CSMD1: variants seen among roughly 807,000 people sequenced by gnomAD.
CSMD1 encodes CUB and Sushi multiple domains 1.
Under a neutral mutation model 417.5 loss-of-function variants are expected in CSMD1, and 213 were observed. That is an observed-to-expected ratio of 0.51 (90% CI 0.46 to 0.57). The LOEUF is 0.57. CSMD1 is among the 20% of genes least tolerant of loss of function. CSMD1 has a pLI of 0.00. For synonymous variants in CSMD1, 2,862 were observed against 1,736.8 expected (o/e 1.65, Z -16.11); for missense variants, 6,923 against 4,529.7 (o/e 1.53, Z -15.17).
At chr8:4,636,972 G>A (rs762834977) in intron 2 of CSMD1, among the ~76,000 whole-genome samples, 19 of 152,100 alleles carry the variant, frequency 1.2e-4, no homozygotes, top group East Asian at 3.9e-4. Flanking sequence ...CAGCAGGATC[G>A]TAAAAGTAGC....
At position 4,210,209 on chromosome 8, in the gene CSMD1, A is replaced by G. The variant is rs144294336; in HGVS notation, c.416-178110T>C. On this transcript the variant is annotated intron_variant, in intron 3 of 69. Transcript: ENST00000635120. ...TGGGAGCTCCTTCACTCCCTCCCCA[A>G]GCCAGCATGCTGGGCATGACTTTCT... Among the ~76,000 whole-genome samples, 288 of 152,254 alleles carry G rather than the reference A, an allele frequency of 1.9e-3. 3 individuals carry two copies. The highest frequency in any genetic ancestry group is 6.8e-3 in the African/African-American group (281 of 41,548).
chr8:3,473,348 T>C (rs972415298), intron 11 of CSMD1, among the ~76,000 whole-genome samples: 1 of 152,216 alleles, frequency 6.6e-6, no homozygotes, highest in Admixed American at 6.5e-5. Context: ...GTTATATTTA[T>C]GAGAAGAACT....
chr8:4,679,182 C>A (rs776343376), intron 1 of CSMD1, among the ~76,000 whole-genome samples: 1 of 152,180 alleles, frequency 6.6e-6, no homozygotes, highest in Non-Finnish European at 1.5e-5. Flanking sequence ...TCTATTGAAT[C>A]TGGCTCTGGG....
At chr8:3,410,227 G>T (rs1270347613) in intron 12 of CSMD1, among the ~76,000 whole-genome samples, 1 of 152,134 alleles carries the variant, frequency 6.6e-6, no homozygotes, top group Admixed American at 6.5e-5. Context: ...TAACTACACA[G>T]AATGTTTTCA....
chr8:4,962,463 G>C (rs1585416136), intron 1 of CSMD1, among the ~76,000 whole-genome samples: 1 of 152,050 alleles, frequency 6.6e-6, no homozygotes, highest in Admixed American at 6.6e-5. Context: ...TTCCCACCTA[G>C]GCCATCTAAA....
At chr8:3,461,073 C>T (rs1227604214) in intron 12 of CSMD1, among the ~76,000 whole-genome samples, 2 of 152,212 alleles carry the variant, frequency 1.3e-5, no homozygotes, top group African/African-American at 4.8e-5. Context: ...ACGACTCTTT[C>T]CCTTGCATGG....
intron 9 of CSMD1, 74 bp downstream of exon 9, chr8:3,586,061 TA>T: frequency 6.8e-7 from 1 of 1,465,170 alleles, no homozygotes; most frequent in Non-Finnish European, 9.3e-7. Context: ...GCTTCATGCT[TA>T]AATTGTATAT....
chr8:2,959,297 G>A (rs1803268951), intron 62 of CSMD1, among the ~76,000 whole-genome samples: 1 of 151,656 alleles, frequency 6.6e-6, no homozygotes, highest in South Asian at 2.1e-4. Flanking sequence ...TAGAAATAGG[G>A]TCTTGCTATG....
intron 3 of CSMD1, among the ~76,000 whole-genome samples, chr8:4,232,522 C>A (rs1320058363): frequency 2.0e-5 from 3 of 152,160 alleles, no homozygotes; most frequent in Non-Finnish European, 4.4e-5. Context: ...AAATTACACA[C>A]TACCTATGAA....
intron 1 of CSMD1, among the ~76,000 whole-genome samples, chr8:4,992,589 C>T (rs573203225): frequency 3.3e-5 from 5 of 152,188 alleles, no homozygotes; most frequent in Middle Eastern, 3.2e-3. Flanking sequence ...GCCCTCACCC[C>T]GCTGCGACAC....
In CSMD1 at chr8:4,210,328, G is replaced by A. The variant is rs538071254; in HGVS notation, c.416-178229C>T. Among the ~76,000 whole-genome samples the A allele has an allele frequency of 2.0e-5, 3 of 152,316 alleles. No homozygotes were observed. In the South Asian group the frequency reaches 6.2e-4, roughly 32 times the overall value. On this transcript the variant is annotated intron_variant, in intron 3 of 69. Coordinates refer to ENST00000635120, the MANE Select transcript of CSMD1 (RefSeq NM_033225.6). The stretch of plus-strand genomic sequence containing the variant: ...GATTCCATGTCAAGTGTGGGATTGT[G>A]CTGTGTCAAGTAAGTTGTATGATAC...
intron 3 of CSMD1, among the ~76,000 whole-genome samples, chr8:4,317,342 G>C (rs1233615394): frequency 6.6e-6 from 1 of 152,146 alleles, no homozygotes; most frequent in Non-Finnish European, 1.5e-5. Context: ...AGTGAAATTA[G>C]ACTCCCACGT....
At chr8:3,844,468 G>A (rs962659164) in intron 5 of CSMD1, among the ~76,000 whole-genome samples, 1 of 152,152 alleles carries the variant, frequency 6.6e-6, no homozygotes, top group Non-Finnish European at 1.5e-5. Flanking sequence ...TTGATGTATG[G>A]ATTCAGAGAG....
intron 1 of CSMD1, among the ~76,000 whole-genome samples, chr8:4,644,656 G>A (rs374317415): frequency 3.9e-5 from 6 of 152,196 alleles, no homozygotes; most frequent in South Asian, 2.1e-4. Flanking sequence ...TGATGGCCTC[G>A]CCTCAGCCTC....
chr8:3,449,513 G>T (rs544531661), intron 12 of CSMD1, among the ~76,000 whole-genome samples: 47 of 150,360 alleles, frequency 3.1e-4, no homozygotes, highest in African/African-American at 1.1e-3. Context: ...TACCTCTCAT[G>T]ACAGCAATTT....
chr8:3,924,424 G>T (rs536599444), intron 5 of CSMD1, among the ~76,000 whole-genome samples: 11 of 152,030 alleles, frequency 7.2e-5, no homozygotes, highest in African/African-American at 2.7e-4. Context: ...TCCAGATTTG[G>T]AAAGCTTTTG....
intron 2 of CSMD1, among the ~76,000 whole-genome samples, chr8:4,427,116 A>C (rs1797604632): frequency 6.6e-6 from 1 of 152,104 alleles, no homozygotes; most frequent in Admixed American, 6.6e-5. Context: ...CACCATCCTT[A>C]TAGAAAGCCT....
rs567920472 is a variant in CSMD1 at position 4,813,398 on chromosome 8, T to C, written c.86-175840A>G. Among the ~76,000 whole-genome samples, 126 of 152,326 alleles carry C rather than the reference T, an allele frequency of 8.3e-4. No homozygotes were observed. The South Asian group carries it at 0.024, about 29-fold the overall frequency. ...GCTGCCACCAAGCCCATCTTAAAACTTTAATTTTATGGAACTCAGCCTACC... is the reference window on the plus strand; with the variant it reads ...GCTGCCACCAAGCCCATCTTAAAACCTTAATTTTATGGAACTCAGCCTACC... On this transcript the variant is annotated intron_variant, in intron 1 of 69. Coordinates refer to ENST00000635120, the MANE Select transcript of CSMD1 (RefSeq NM_033225.6).
chr8:3,767,526 G>T (rs1798344430), intron 5 of CSMD1, among the ~76,000 whole-genome samples: 1 of 152,144 alleles, frequency 6.6e-6, no homozygotes. Flanking sequence ...ATTATGCTCT[G>T]ATCCTCACTT....
Sources: gnomAD v4.1 joint callset for allele counts (sites outside exome capture counted in the v4.1 genomes callset) on GRCh38, gnomAD v4.1.1 for gene constraint, MANE v1.5 for transcripts, NCBI Gene and HGNC (gene_info 2026-07-23, HGNC 2026-07-21) for gene names.